CNTNAP2: variants seen among roughly 807,000 people sequenced by gnomAD.
The protein encoded by CNTNAP2 is contactin-associated protein-like 2.
In CNTNAP2, 98 loss-of-function variants were observed where a neutral mutation model predicts 155.2. That is an observed-to-expected ratio of 0.63 (90% CI 0.54 to 0.75). The LOEUF (loss-of-function observed/expected upper bound fraction) is 0.75, where lower values mean the gene tolerates loss of function less well. CNTNAP2 is among the 30% of genes least tolerant of loss of function. The probability of loss-of-function intolerance (pLI) is 0.00; values close to 1 mark genes in which losing one functional copy is unlikely to be tolerated. For missense variants in CNTNAP2, 1,727 were observed against 1,688.1 expected (o/e 1.02, Z -0.40); for synonymous variants, 651 against 631.2 (o/e 1.03, Z -0.47).
At chr7:148,060,025 A>T (rs1403311498) in intron 15 of CNTNAP2, among the ~76,000 whole-genome samples, 3 of 152,102 alleles carry the variant, frequency 2.0e-5, no homozygotes, top group Non-Finnish European at 4.4e-5. Context: ...TCTTTTCAGC[A>T]TCATTTGCAG....
In CNTNAP2 at chr7:147,486,789, C is replaced by T. The variant is rs549841785; in HGVS notation, c.1777+748C>T. Among the ~76,000 whole-genome samples the T allele has an allele frequency of 9.9e-5, 15 of 152,090 alleles. No individual in the cohort carries two copies. In the East Asian group the frequency reaches 2.1e-3, roughly 22 times the overall value. On this transcript the variant is annotated intron_variant, in intron 11 of 23. Coordinates refer to ENST00000361727, the MANE Select transcript of CNTNAP2 (RefSeq NM_014141.6). ...CAATAATGCATCGCCATTTGCAGAACGCTTTTGAAAACAAAGCACTTTTGA... is the reference window on the plus strand; with the variant it reads ...CAATAATGCATCGCCATTTGCAGAATGCTTTTGAAAACAAAGCACTTTTGA...
intron 1 of CNTNAP2, among the ~76,000 whole-genome samples, chr7:146,293,129 C>A (rs1800458490): frequency 6.6e-6 from 1 of 151,938 alleles, no homozygotes; most frequent in Non-Finnish European, 1.5e-5. Flanking sequence ...TATAATTTAT[C>A]AATTTACAAT....
chr7:146,631,315 T>G (rs917913336), intron 1 of CNTNAP2, among the ~76,000 whole-genome samples: 2 of 152,166 alleles, frequency 1.3e-5, no homozygotes, highest in African/African-American at 4.8e-5. Flanking sequence ...TCGACCACAT[T>G]GAAATAATTT....
chr7:146,969,839 A>G (rs1399726164), intron 3 of CNTNAP2, among the ~76,000 whole-genome samples: 4 of 152,184 alleles, frequency 2.6e-5, no homozygotes, highest in South Asian at 2.1e-4. Flanking sequence ...TCAAAACAGC[A>G]TGGTACTGGT....
chr7:146,605,548 A>G (rs921858483), intron 1 of CNTNAP2, among the ~76,000 whole-genome samples: 2 of 143,824 alleles, frequency 1.4e-5, no homozygotes, highest in East Asian at 2.1e-4. Context: ...CAGATATTCA[A>G]TGTAAATTCA....
At chr7:146,975,948 C>G (rs1275380355) in intron 3 of CNTNAP2, among the ~76,000 whole-genome samples, 1 of 152,132 alleles carries the variant, frequency 6.6e-6, no homozygotes, top group Admixed American at 6.6e-5. Flanking sequence ...AATTTCTTAC[C>G]TTTCATGGCA....
At chr7:147,960,819 T>A (rs1214617694) in intron 14 of CNTNAP2, among the ~76,000 whole-genome samples, 1 of 130,450 alleles carries the variant, frequency 7.7e-6, no homozygotes, top group Non-Finnish European at 1.8e-5. Context: ...TTCCTCCCTC[T>A]CTCCCTCCTT....
At chr7:147,899,492 C>T (rs1799828229) in intron 13 of CNTNAP2, among the ~76,000 whole-genome samples, 1 of 152,136 alleles carries the variant, frequency 6.6e-6, no homozygotes, top group Non-Finnish European at 1.5e-5. Flanking sequence ...CCATACAACA[C>T]CATATCATTA....
chr7:146,876,144 G>C (rs1795424008), intron 3 of CNTNAP2, among the ~76,000 whole-genome samples: 1 of 151,760 alleles, frequency 6.6e-6, no homozygotes, highest in Non-Finnish European at 1.5e-5. Flanking sequence ...AATTAAATCA[G>C]TCAGGACTGA....
intron 1 of CNTNAP2, among the ~76,000 whole-genome samples, chr7:146,124,955 T>C (rs1178985593): frequency 1.3e-5 from 2 of 152,190 alleles, no homozygotes; most frequent in African/African-American, 2.4e-5. Flanking sequence ...TATAAAACTT[T>C]ACTTTTTTAC....
At chr7:147,164,519 G>A (rs1169016397) in intron 8 of CNTNAP2, among the ~76,000 whole-genome samples, 1 of 151,960 alleles carries the variant, frequency 6.6e-6, no homozygotes, top group East Asian at 1.9e-4. Flanking sequence ...CATATTTATG[G>A]AGTACACTGT....
At chr7:146,949,849 T>C (rs1355600415) in intron 3 of CNTNAP2, among the ~76,000 whole-genome samples, 1 of 152,186 alleles carries the variant, frequency 6.6e-6, no homozygotes, top group Non-Finnish European at 1.5e-5. Flanking sequence ...TGGTGAAGGA[T>C]ATGAGCACAA....
intron 10 of CNTNAP2, among the ~76,000 whole-genome samples, chr7:147,414,307 C>G (rs1479046170): frequency 6.6e-6 from 1 of 151,680 alleles, no homozygotes; most frequent in Non-Finnish European, 1.5e-5. Flanking sequence ...GACTGTGATC[C>G]CAGCTACTCA....
rs748334732 is a variant in CNTNAP2, at chr7:146,330,012, C to CTT, written c.97+213065_97+213066dup. Among the ~76,000 whole-genome samples the CTT allele has an allele frequency of 6.1e-3, 456 of 74,824 alleles. 82 individuals are homozygous for CTT. The highest frequency in any genetic ancestry group is 0.012 in the Admixed American group (77 of 6,594). The allele number at this position is 74,824 out of a possible 152,430, so 49.1% of individuals were successfully genotyped here. ...CATTTATTGATTCAACAAGTACTTT[C>CTT]TTTTTTTTTTTTTTTTTTTTTTTTT... On this transcript the variant is annotated intron_variant, in intron 1 of 23. Transcript: ENST00000361727.
chr7:147,833,995 C>T (rs1043286009), intron 13 of CNTNAP2, among the ~76,000 whole-genome samples: 1 of 152,200 alleles, frequency 6.6e-6, no homozygotes, highest in South Asian at 2.1e-4. Flanking sequence ...GGAAGGTACA[C>T]ATCTGAAAGA....
chr7:147,892,760 T>G (rs572064528), intron 13 of CNTNAP2, among the ~76,000 whole-genome samples: 2 of 152,238 alleles, frequency 1.3e-5, no homozygotes, highest in Non-Finnish European at 2.9e-5. Flanking sequence ...TTTTAATTAA[T>G]TACCATTTCA....
At chr7:146,630,762 T>C (rs984090894) in intron 1 of CNTNAP2, among the ~76,000 whole-genome samples, 1 of 152,028 alleles carries the variant, frequency 6.6e-6, no homozygotes, top group African/African-American at 2.4e-5. Context: ...AGCATTCCCA[T>C]GTACCAACAA....
chr7:146,590,162 A>G (rs1381512576), intron 1 of CNTNAP2, among the ~76,000 whole-genome samples: 1 of 152,160 alleles, frequency 6.6e-6, no homozygotes, highest in Non-Finnish European at 1.5e-5. Context: ...TTTTGTTTCC[A>G]GAAGGCACTA....
chr7:147,443,920 C>A (rs1415288394), intron 10 of CNTNAP2, among the ~76,000 whole-genome samples: 3 of 152,162 alleles, frequency 2.0e-5, no homozygotes, highest in Non-Finnish European at 4.4e-5. Context: ...TAGAAATTTG[C>A]CAGCTACATT....
Sources: allele counts gnomAD v4.1 joint callset (sites outside exome capture counted in the v4.1 genomes callset), GRCh38; gene constraint gnomAD v4.1.1; transcripts MANE v1.5; gene names NCBI Gene and HGNC (gene_info 2026-07-23, HGNC 2026-07-21).